SNW1: variants seen among roughly 807,000 people sequenced by gnomAD.
The protein encoded by SNW1 is SNW domain containing 1, also known as SNW domain-containing protein 1.
SNW1 carries 9 observed loss-of-function variants against 75.6 expected under a neutral mutation model. The ratio of observed to expected loss-of-function variants is 0.12; its 90% CI spans 0.07 to 0.21. The LOEUF is 0.21. SNW1 is among the 10% of genes least tolerant of loss of function. The pLI, the probability that SNW1 is intolerant of heterozygous loss-of-function variation, is 1.00. For missense variants in SNW1, 409 were observed against 670.9 expected (o/e 0.61, Z 4.31); for synonymous variants, 200 against 219.1 (o/e 0.91, Z 0.77).
At chr14:77,725,184 A>C (rs1231344092) in intron 10 of SNW1, among the ~76,000 whole-genome samples, 14 of 152,188 alleles carry the variant, frequency 9.2e-5, no homozygotes, top group African/African-American at 3.4e-4. Flanking sequence ...CCCATTTTAA[A>C]ATCAGATTAT....
chr14:77,732,738 C>T (rs2080637223), intron 8 of SNW1, 137 bp from the exon 9 acceptor site: 2 of 613,730 alleles, frequency 3.3e-6, no homozygotes, highest in Non-Finnish European at 5.8e-6. Flanking sequence ...CATCTCGGCT[C>T]ACTGCAACCT....
chr14:77,730,104 C>G (rs1304380986), intron 10 of SNW1, among the ~76,000 whole-genome samples: 4 of 152,184 alleles, frequency 2.6e-5, no homozygotes, highest in Admixed American at 2.6e-4. Context: ...GTGGGATGCT[C>G]TTCCCCCAGA....
Position 77,717,714 on chromosome 14 carries a change from C to T in SNW1, c.*374G>A. ...GCAAAATTTATTTGGCAGGACAGTTCCAGTATGTGAACATCTTCCTCCTCA... is the reference window on the plus strand; with the variant it reads ...GCAAAATTTATTTGGCAGGACAGTTTCAGTATGTGAACATCTTCCTCCTCA... On this transcript the variant is annotated 3_prime_UTR_variant, in exon 14 of 14. Coordinates refer to ENST00000261531, the MANE Select transcript of SNW1 (RefSeq NM_012245.3). The T allele has an allele frequency of 1.5e-6, 1 of 670,368 alleles. No homozygotes were observed. The highest frequency in any genetic ancestry group is 2.5e-6 in the Non-Finnish European group (1 of 394,086). The allele number at this position is 670,368 out of a possible 1,614,324, so 41.5% of individuals were successfully genotyped here. A position where few individuals can be genotyped will look rare whatever the true frequency, so the allele number is the denominator to read the frequency against.
chr14:77,740,272 C>T (rs1351445730), intron 3 of SNW1, among the ~76,000 whole-genome samples: 1 of 150,246 alleles, frequency 6.7e-6, no homozygotes, highest in Non-Finnish European at 1.5e-5. Flanking sequence ...CAAAGAAAAT[C>T]AAATTCCTAG....
At chr14:77,740,579 A>C (rs756351651) in intron 3 of SNW1, among the ~76,000 whole-genome samples, 7 of 152,050 alleles carry the variant, frequency 4.6e-5, no homozygotes, top group Non-Finnish European at 7.4e-5. Context: ...ACTTTTCCCC[A>C]ATTCTAGGCC....
Position 77,717,641 on chromosome 14 carries a change from G to A in SNW1, c.*447C>T. 7.2e-6 allele frequency: 10 copies of A among 1,397,936 alleles called. No homozygotes were observed. Among genetic ancestry groups the A allele is most frequent in the Non-Finnish European group, 1.0e-5 (10 of 998,440 alleles). The allele number at this position is 1,397,936 out of a possible 1,614,324, so 86.6% of individuals were successfully genotyped here. On this transcript the variant is annotated 3_prime_UTR_variant, in exon 14 of 14. Coordinates refer to ENST00000261531, the MANE Select transcript of SNW1 (RefSeq NM_012245.3). Reference sequence around the variant, plus strand: ...TATTTGAAACAAATAGTTGCACCAAGCAAGAGGTTACTTTGCCCACTCCAA... The same window carrying A: ...TATTTGAAACAAATAGTTGCACCAAACAAGAGGTTACTTTGCCCACTCCAA...
At position 77,730,627 on chromosome 14, in the gene SNW1, T is replaced by C. The variant is rs79031523; in HGVS notation, c.1033+361A>G. On this transcript the variant is annotated intron_variant, in intron 10 of 13. Transcript: ENST00000261531. ...GCCTACAAGATAGAAAAACTCTGGA[T>C]TACTTCACCATATGAGGGAGCTGAA... 3.6e-3 allele frequency among the ~76,000 whole-genome samples: 541 copies of C among 152,324 alleles called. 4 individuals are homozygous for C. The highest frequency in any genetic ancestry group is 0.02 in the Middle Eastern group (6 of 294).
chr14:77,757,936 ATCTATCTATC>A (rs894674988), intron 1 of SNW1, among the ~76,000 whole-genome samples: 2 of 138,234 alleles, frequency 1.4e-5, no homozygotes, highest in African/African-American at 5.5e-5. Context: ...CTATCTATCT[ATCTATCTATC>A]TATCTATCGC....
chr14:77,733,225 C>CAGAT (rs2080641243), intron 8 of SNW1, among the ~76,000 whole-genome samples: 1 of 5,446 alleles, frequency 1.8e-4, no homozygotes, highest in Non-Finnish European at 4.8e-4. Context: ...GATTTAAACT[C>CAGAT]AGCAGGATTT....
rs1594807871 is a variant in SNW1 at position 77,751,280 on chromosome 14, T to C, written c.330+39A>G. On this transcript the variant is annotated intron_variant, in intron 3 of 13. Transcript: ENST00000261531. ...TGTCCACAAAATTTAAAATGTTTCC[T>C]AAAATATTTATCATTCAGGGAAAAC... 4 of 1,566,384 alleles carry C rather than the reference T, an allele frequency of 2.6e-6. No individual in the cohort carries two copies. The East Asian group carries it at 9.1e-5, about 35-fold the overall frequency.
rs1307133780 is a variant in SNW1 at position 77,749,523 on chromosome 14, T to C, written c.330+1796A>G. On this transcript the variant is annotated intron_variant, in intron 3 of 13. Coordinates refer to ENST00000261531, the MANE Select transcript of SNW1 (RefSeq NM_012245.3). Reference sequence around the variant, plus strand: ...GCCTCATGCCTGTAATCCCAGCACTTTGGGAGGCCGAGGTGGGCAGATCAC... The same window carrying C: ...GCCTCATGCCTGTAATCCCAGCACTCTGGGAGGCCGAGGTGGGCAGATCAC... Among the ~76,000 whole-genome samples, 3 of 152,110 alleles carry C rather than the reference T, an allele frequency of 2.0e-5. No individual in the cohort carries two copies. The South Asian group carries it at 6.2e-4, about 32-fold the overall frequency.
chr14:77,723,995 TA>T, intron 10 of SNW1, among the ~76,000 whole-genome samples: 1 of 152,342 alleles, frequency 6.6e-6, no homozygotes, highest in South Asian at 2.1e-4. Context: ...GCAATTAATT[TA>T]AGTCTAATAA....
At chr14:77,747,508 G>A (rs2080770661) in intron 3 of SNW1, among the ~76,000 whole-genome samples, 1 of 151,844 alleles carries the variant, frequency 6.6e-6, no homozygotes, top group African/African-American at 2.4e-5. Flanking sequence ...TCTGAGATGT[G>A]GTGAGCGCCT....
intron 11 of SNW1, 122 bp from the exon 12 acceptor site, chr14:77,720,950 A>G (rs2080535293): frequency 2.9e-6 from 2 of 699,032 alleles, no homozygotes; most frequent in Non-Finnish European, 2.5e-6. Context: ...CATCTTGTGA[A>G]CATATATTCC....
chr14:77,753,684 G>A (rs560700297), intron 2 of SNW1, among the ~76,000 whole-genome samples: 4 of 152,116 alleles, frequency 2.6e-5, no homozygotes, highest in African/African-American at 9.6e-5. Flanking sequence ...AGGCGCGGTG[G>A]CTCACACCTG....
At chr14:77,725,351 T>C (rs2080576701) in intron 10 of SNW1, among the ~76,000 whole-genome samples, 1 of 152,230 alleles carries the variant, frequency 6.6e-6, no homozygotes, top group Non-Finnish European at 1.5e-5. Flanking sequence ...CATTTGTCTA[T>C]ATTTGCTTTT....
At position 77,717,647 on chromosome 14, in the gene SNW1, G is replaced by A; in HGVS notation, c.*441C>T. On this transcript the variant is annotated 3_prime_UTR_variant, in exon 14 of 14. Transcript: ENST00000261531. Reference sequence around the variant, plus strand: ...AAACAAATAGTTGCACCAAGCAAGAGGTTACTTTGCCCACTCCAAATTAAA... The same window carrying A: ...AAACAAATAGTTGCACCAAGCAAGAAGTTACTTTGCCCACTCCAAATTAAA... 3 of 1,351,706 alleles carry A rather than the reference G, an allele frequency of 2.2e-6. No homozygotes were observed. The highest frequency in any genetic ancestry group is 3.1e-6 in the Non-Finnish European group (3 of 961,168). 83.7% of individuals were successfully genotyped at this position (1,351,706 alleles called of 1,614,324 possible). A position where few individuals can be genotyped will look rare whatever the true frequency, so the allele number is the denominator to read the frequency against.
Position 77,750,327 on chromosome 14 carries a change from C to T in SNW1, c.330+992G>A, listed in dbSNP as rs2080797640. Among the ~76,000 whole-genome samples the T allele has an allele frequency of 2.6e-5, 4 of 152,202 alleles. No homozygotes were observed. The South Asian group carries it at 8.3e-4, about 32-fold the overall frequency. ...CAGGATGAAGAAAATTGACAATTGT[C>T]TTCCAATAGTCTTTATATTCAAATA... On this transcript the variant is annotated intron_variant, in intron 3 of 13. Transcript: ENST00000261531.
At chr14:77,739,453 C>T (rs1216674993) in intron 3 of SNW1, among the ~76,000 whole-genome samples, 1 of 151,976 alleles carries the variant, frequency 6.6e-6, no homozygotes, top group Non-Finnish European at 1.5e-5. Context: ...GTCAGGTTAC[C>T]AAATAATTTC....
Sources: gnomAD v4.1 joint callset for allele counts (sites outside exome capture counted in the v4.1 genomes callset) on GRCh38, gnomAD v4.1.1 for gene constraint, MANE v1.5 for transcripts, NCBI Gene and HGNC (gene_info 2026-07-23, HGNC 2026-07-21) for gene names.